Variants in GDPD5 observed in about 807,000 individuals in gnomAD.
GDPD5 encodes glycerophosphodiester phosphodiesterase domain containing 5.
A neutral mutation model predicts 75.1 loss-of-function variants in GDPD5; 48 were observed. The ratio of observed to expected loss-of-function variants is 0.64; its 90% CI spans 0.51 to 0.81. GDPD5 has a LOEUF of 0.81. Ranked by LOEUF, GDPD5 falls within the 40% of genes least tolerant of loss-of-function variation. The probability of loss-of-function intolerance (pLI) is 0.00; values close to 1 mark genes in which losing one functional copy is unlikely to be tolerated. For missense variants in GDPD5, 706 were observed against 822.6 expected, an observed-to-expected ratio of 0.86 and a Z score of 1.73; for synonymous variants, 336 against 339.0, an observed-to-expected ratio of 0.99 and a Z score of 0.10.
chr11:75,481,839 G>A (rs980460536), intron 2 of GDPD5, among the ~76,000 whole-genome samples: 2 of 152,048 alleles, frequency 1.3e-5, no homozygotes, highest in Non-Finnish European at 2.9e-5. Context: ...ATGCTGCCTC[G>A]CATTGACTTG....
rs751633114 is a variant in GDPD5, at chr11:75,449,616, T to G, written c.475-6A>C. ...TGCAGGAATGGCGCTGTGCCCTGTTTGCAGGGAGAGGGAAGGGAGACCAGT... is the reference window on the plus strand; with the variant it reads ...TGCAGGAATGGCGCTGTGCCCTGTTGGCAGGGAGAGGGAAGGGAGACCAGT... On this transcript the variant is annotated splice_polypyrimidine_tract_variant and splice_region_variant and intron_variant, in intron 7 of 16. Transcript: ENST00000336898. The G allele has an allele frequency of 6.4e-7, 1 of 1,570,152 alleles. No individual in the cohort carries two copies. The highest frequency in any genetic ancestry group is 8.6e-7 in the Non-Finnish European group (1 of 1,157,270).
At chr11:75,455,267 C>T (rs1949260318) in intron 6 of GDPD5, 1 of 454,582 alleles carries the variant, frequency 2.2e-6, no homozygotes, top group South Asian at 1.6e-5. Flanking sequence ...ACCCGGGGTG[C>T]CAGCTGGTGC....
At position 75,493,229 on chromosome 11, in the gene GDPD5, TCACA is replaced by T. The variant is rs71036055; in HGVS notation, c.-144-2913_-144-2910del. Among the ~76,000 whole-genome samples, 116 of 140,996 alleles carry T rather than the reference TCACA, an allele frequency of 8.2e-4. 1 individual carries two copies. Among genetic ancestry groups the T allele is most frequent in the South Asian group, 1.9e-3 (8 of 4,234 alleles). The allele number at this position is 140,996 out of a possible 152,430, so 92.5% of individuals were successfully genotyped here. A position where few individuals can be genotyped will look rare whatever the true frequency, so the allele number is the denominator to read the frequency against. ...CAGGGAAAAGGGGCCCCCACACATC[TCACA>T]CACACACACACACACACACACACAC... On this transcript the variant is annotated intron_variant, in intron 1 of 16. Transcript: ENST00000336898.
At chr11:75,442,666 A>C (rs1385443266) in intron 11 of GDPD5, 85 bp from the exon 12 acceptor site, 16 of 1,220,860 alleles carry the variant, frequency 1.3e-5, no homozygotes, top group Admixed American at 2.1e-5. Flanking sequence ...AAGCGTGGAG[A>C]CCCCTGGGCT....
At chr11:75,494,348 G>T (rs1218337846) in intron 1 of GDPD5, among the ~76,000 whole-genome samples, 1 of 151,902 alleles carries the variant, frequency 6.6e-6, no homozygotes. Context: ...CTCCCAAGTG[G>T]CTGGGATTAC....
At position 75,525,377 on chromosome 11, in the gene GDPD5, C is replaced by G. The variant is rs7934513; in HGVS notation, c.-312G>C. The G allele has an allele frequency of 0.94, 142,858 of 152,350 alleles. 67,223 individuals are homozygous for G. The highest frequency in any genetic ancestry group is 0.98 in the Middle Eastern group (289 of 294). 9.4% of individuals were successfully genotyped at this position (152,350 alleles called of 1,614,324 possible). On this transcript the variant is annotated 5_prime_UTR_variant, in exon 1 of 17. Coordinates refer to ENST00000336898, the MANE Select transcript of GDPD5 (RefSeq NM_030792.8). ...GTCCTGCCCGCCTAGGACCCCTCACCGAGCGCACGACCCGGCCAGGGCTTC... is the reference window on the plus strand; with the variant it reads ...GTCCTGCCCGCCTAGGACCCCTCACGGAGCGCACGACCCGGCCAGGGCTTC...
At chr11:75,507,469 C>T (rs1950424657) in intron 1 of GDPD5, among the ~76,000 whole-genome samples, 2 of 152,224 alleles carry the variant, frequency 1.3e-5, no homozygotes, top group Non-Finnish European at 2.9e-5. Context: ...CAGAGCCAGG[C>T]AGAATCTTTC....
intron 15 of GDPD5, chr11:75,437,434 G>C (rs1418018128): frequency 9.8e-6 from 2 of 203,408 alleles, no homozygotes; most frequent in African/African-American, 4.6e-5. Flanking sequence ...CCAATCTCAG[G>C]GAGTCCCAGC....
At chr11:75,469,764 C>T (rs1179675470) in intron 3 of GDPD5, among the ~76,000 whole-genome samples, 1 of 152,198 alleles carries the variant, frequency 6.6e-6, no homozygotes, top group African/African-American at 2.4e-5. Context: ...AGGACATTAG[C>T]ATATTAGTGG....
chr11:75,471,175 A>G (rs1949655269), intron 3 of GDPD5, among the ~76,000 whole-genome samples: 1 of 152,238 alleles, frequency 6.6e-6, no homozygotes, highest in South Asian at 2.1e-4. Flanking sequence ...TGCACGGGAA[A>G]GCCTGGGAAA....
intron 1 of GDPD5, among the ~76,000 whole-genome samples, chr11:75,501,260 A>G (rs1214305127): frequency 6.6e-6 from 1 of 152,182 alleles, no homozygotes; most frequent in Non-Finnish European, 1.5e-5. Flanking sequence ...CTTTCAGAGC[A>G]CCCTAACCTG....
In GDPD5 at chr11:75,435,601, CTG is replaced by C; in HGVS notation, c.1722_1723del (p.Asn574LysfsTer3). On this transcript the variant is annotated frameshift_variant, in exon 17 of 17. Coordinates refer to ENST00000336898, the MANE Select transcript of GDPD5 (RefSeq NM_030792.8). LOFTEE classifies it high-confidence loss of function. The stretch of plus-strand genomic sequence containing the variant: ...GGTGCTGTTGGCATATGTGTCATAA[CTG>C]TTGTCTGAACATACGGAGAGCACAT... 2 of 1,613,756 alleles carry C rather than the reference CTG, an allele frequency of 1.2e-6. No homozygotes were observed. Among genetic ancestry groups the C allele is most frequent in the Non-Finnish European group, 1.7e-6 (2 of 1,179,824 alleles).
chr11:75,443,773 T>C (rs1948904175), intron 10 of GDPD5, among the ~76,000 whole-genome samples: 1 of 152,210 alleles, frequency 6.6e-6, no homozygotes, highest in African/African-American at 2.4e-5. Flanking sequence ...GGGTTGCAAA[T>C]AGCTCATATG....
At chr11:75,524,070 G>T (rs759817282) in intron 1 of GDPD5, among the ~76,000 whole-genome samples, 36 of 152,222 alleles carry the variant, frequency 2.4e-4, no homozygotes, top group Non-Finnish European at 4.6e-4. Flanking sequence ...ACATGCCTTG[G>T]GGGCAGCAGA....
At chr11:75,511,808 G>C (rs568981734) in intron 1 of GDPD5, among the ~76,000 whole-genome samples, 62 of 152,370 alleles carry the variant, frequency 4.1e-4, no homozygotes, top group African/African-American at 1.5e-3. Flanking sequence ...GAAGGTAACA[G>C]AGTGGGCCAG....
At chr11:75,483,247 C>T (rs1949956220) in intron 2 of GDPD5, among the ~76,000 whole-genome samples, 1 of 152,218 alleles carries the variant, frequency 6.6e-6, no homozygotes. Context: ...AAGGCCCCTC[C>T]CCAGCCCAAA....
rs1239375390 is a variant in GDPD5 at position 75,443,341 on chromosome 11, C to T, written c.798-55G>A. On this transcript the variant is annotated intron_variant, in intron 10 of 16. Transcript: ENST00000336898. ...TGACCCCCCAGATCCTTTACCTGCC[C>T]ACCAATGATCGTCACCCCACACAGT... The T allele has an allele frequency of 3.2e-6, 5 of 1,545,746 alleles. No individual in the cohort carries two copies. The African/African-American group carries it at 4.1e-5, about 13-fold the overall frequency.
intron 14 of GDPD5, 62 bp from the exon 15 acceptor site, chr11:75,440,023 C>A: frequency 1.5e-6 from 2 of 1,351,644 alleles, no homozygotes; most frequent in Admixed American, 1.9e-5. Flanking sequence ...AGGCTCCAGA[C>A]TGAGGGTCCG....
At chr11:75,448,910 C>A in intron 9 of GDPD5, 67 bp downstream of exon 9, 1 of 1,481,734 alleles carries the variant, frequency 6.7e-7, no homozygotes, top group Non-Finnish European at 8.9e-7. Context: ...ATATCCATTT[C>A]CCAAGAAGGT....
Sources: gnomAD v4.1 joint callset for allele counts (sites outside exome capture counted in the v4.1 genomes callset) on GRCh38, gnomAD v4.1.1 for gene constraint, MANE v1.5 for transcripts, NCBI Gene and HGNC (gene_info 2026-07-23, HGNC 2026-07-21) for gene names.